MKLN1: variants seen among roughly 807,000 people sequenced by gnomAD.
The protein encoded by MKLN1 is muskelin 1, also known as muskelin.
In MKLN1, 18 loss-of-function variants were observed where a neutral mutation model predicts 99.0. The ratio of observed to expected loss-of-function variants is 0.18; its 90% CI spans 0.13 to 0.27. The LOEUF (loss-of-function observed/expected upper bound fraction) is 0.27. Ranked by LOEUF, MKLN1 falls within the 10% of genes least tolerant of loss-of-function variation. The pLI is 1.00. For synonymous variants in MKLN1, 288 were observed against 293.2 expected, an observed-to-expected ratio of 0.98 and a Z score of 0.18; for missense variants, 621 against 875.9, an observed-to-expected ratio of 0.71 and a Z score of 3.67.
chr7:131,444,270 A>G (rs1795929582), intron 11 of MKLN1, among the ~76,000 whole-genome samples: 1 of 151,638 alleles, frequency 6.6e-6, no homozygotes, highest in African/African-American at 2.4e-5. Flanking sequence ...GGCATGCACC[A>G]CCACGCCCGG....
At chr7:131,243,265 T>C (rs1361267006) in intron 3 of MKLN1, among the ~76,000 whole-genome samples, 2 of 152,194 alleles carry the variant, frequency 1.3e-5, no homozygotes, top group African/African-American at 4.8e-5. Context: ...ACTCTACACC[T>C]ATGTCTAGCC....
intron 2 of MKLN1, among the ~76,000 whole-genome samples, chr7:131,197,235 G>A (rs1038492814): frequency 3.3e-5 from 5 of 151,856 alleles, no homozygotes; most frequent in East Asian, 3.9e-4. Flanking sequence ...ACAGGGTCTC[G>A]CTTTGTTGCC....
chr7:131,224,799 C>T (rs1372437644), intron 3 of MKLN1, among the ~76,000 whole-genome samples: 6 of 151,596 alleles, frequency 4.0e-5, no homozygotes, highest in African/African-American at 1.2e-4. Context: ...TTTGGCTGGG[C>T]GCAGTGGCTC....
At chr7:131,430,373 G>A (rs532774032) in intron 9 of MKLN1, among the ~76,000 whole-genome samples, 94 of 152,062 alleles carry the variant, frequency 6.2e-4, no homozygotes, top group Non-Finnish European at 6.2e-4. Flanking sequence ...GGGAAAGTAT[G>A]TGTAAGTGGC....
intron 3 of MKLN1, among the ~76,000 whole-genome samples, chr7:131,228,414 C>T (rs1797189488): frequency 6.6e-6 from 1 of 152,152 alleles, no homozygotes; most frequent in South Asian, 2.1e-4. Context: ...TGCCACCTTG[C>T]ACCAAACCTT....
chr7:131,462,474 A>G (rs528964276), intron 12 of MKLN1, among the ~76,000 whole-genome samples: 1 of 152,346 alleles, frequency 6.6e-6, no homozygotes, highest in South Asian at 2.1e-4. Flanking sequence ...AATCTCTACT[A>G]TCAAATTAGA....
intron 2 of MKLN1, among the ~76,000 whole-genome samples, chr7:131,157,294 A>T (rs1319501130): frequency 6.6e-6 from 1 of 152,188 alleles, no homozygotes; most frequent in Admixed American, 6.6e-5. Context: ...GCTACTTGGG[A>T]TGCTGAGGTG....
At chr7:131,457,526 A>G (rs1796383908) in intron 12 of MKLN1, among the ~76,000 whole-genome samples, 1 of 152,248 alleles carries the variant, frequency 6.6e-6, no homozygotes, top group Non-Finnish European at 1.5e-5. Flanking sequence ...GGGAAAAAAG[A>G]TAAAGAAATA....
chr7:131,408,694 T>C (rs1794780535), intron 6 of MKLN1, among the ~76,000 whole-genome samples: 1 of 152,090 alleles, frequency 6.6e-6, no homozygotes, highest in Admixed American at 6.6e-5. Context: ...CTCCTGGCCT[T>C]GAATGATCCT....
In MKLN1 at chr7:131,495,362, A is replaced by G. The variant is rs919661526; in HGVS notation, c.*7634A>G. 1 of 152,186 alleles carries G rather than the reference A, an allele frequency of 6.6e-6. No homozygotes were observed. The highest frequency in any genetic ancestry group is 1.5e-5 in the Non-Finnish European group (1 of 68,038). 9.4% of individuals were successfully genotyped at this position (152,186 alleles called of 1,614,324 possible). On this transcript the variant is annotated 3_prime_UTR_variant, in exon 18 of 18. Transcript: ENST00000352689. ...TGTGAAAACATCTCCTGGACTGGAA[A>G]TGTGGTGCTGTAACCAGCTGAGCCG... is the stretch of plus-strand genomic sequence containing the variant.
At chr7:131,372,070 T>A (rs1355414109) in intron 1 of MKLN1, among the ~76,000 whole-genome samples, 3 of 152,030 alleles carry the variant, frequency 2.0e-5, no homozygotes, top group Non-Finnish European at 4.4e-5. Flanking sequence ...CATTATTCTT[T>A]CCTAGGAACT....
At chr7:131,456,904 T>TC (rs963829686) in intron 12 of MKLN1, among the ~76,000 whole-genome samples, 3 of 151,336 alleles carry the variant, frequency 2.0e-5, no homozygotes, top group Admixed American at 6.6e-5. Flanking sequence ...CATACTGATA[T>TC]AACTAGACAG....
At chr7:131,215,273 C>T (rs577992366) in intron 3 of MKLN1, among the ~76,000 whole-genome samples, 2 of 152,310 alleles carry the variant, frequency 1.3e-5, no homozygotes, top group South Asian at 2.1e-4. Flanking sequence ...GTCGTGACCT[C>T]CTAACCATAA....
intron 8 of MKLN1, among the ~76,000 whole-genome samples, chr7:131,415,988 G>T (rs1795006196): frequency 6.6e-6 from 1 of 151,908 alleles, no homozygotes; most frequent in African/African-American, 2.4e-5. Context: ...TAGAGATGAG[G>T]TTTTGCCATG....
chr7:131,322,041 A>G (rs150637537), intron 3 of MKLN1, among the ~76,000 whole-genome samples: 1 of 152,370 alleles, frequency 6.6e-6, no homozygotes, highest in East Asian at 1.9e-4. Flanking sequence ...ACAATACTTT[A>G]AAACAAATGA....
chr7:131,288,483 G>A (rs1798165839), intron 3 of MKLN1, among the ~76,000 whole-genome samples: 1 of 152,124 alleles, frequency 6.6e-6, no homozygotes, highest in Non-Finnish European at 1.5e-5. Context: ...CTTCAGTTTT[G>A]TGCCATGATC....
intron 12 of MKLN1, among the ~76,000 whole-genome samples, chr7:131,447,566 T>C (rs1796050645): frequency 6.6e-6 from 1 of 152,048 alleles, no homozygotes; most frequent in South Asian, 2.1e-4. Context: ...AGGAGAGAGG[T>C]AATACTCCTT....
At position 131,403,132 on chromosome 7, in the gene MKLN1, C is replaced by T. The variant is rs1171685372; in HGVS notation, c.703+3699C>T. On this transcript the variant is annotated intron_variant, in intron 6 of 17. Coordinates refer to ENST00000352689, the MANE Select transcript of MKLN1 (RefSeq NM_013255.5). The stretch of plus-strand genomic sequence containing the variant: ...TTGAAAATCTGTTTAGTATAGTTAC[C>T]TTCATCAGTGATCTTAGCAAGATCT... Among the ~76,000 whole-genome samples, 7 of 152,242 alleles carry T rather than the reference C, an allele frequency of 4.6e-5. No individual in the cohort carries two copies. The East Asian group carries it at 1.3e-3, about 29-fold the overall frequency.
intron 14 of MKLN1, 79 bp from the exon 15 acceptor site, chr7:131,466,197 T>A (rs1796656856): frequency 6.1e-6 from 6 of 988,328 alleles, no homozygotes; most frequent in South Asian, 2.9e-5. Flanking sequence ...CTCAGGAAGT[T>A]AACCTGTTAT....
Sources: allele counts gnomAD v4.1 joint callset (sites outside exome capture counted in the v4.1 genomes callset), GRCh38; gene constraint gnomAD v4.1.1; transcripts MANE v1.5; gene names NCBI Gene and HGNC (gene_info 2026-07-23, HGNC 2026-07-21).